MAP2K5: variants seen among roughly 807,000 people sequenced by gnomAD.
MAP2K5 encodes the protein dual specificity mitogen-activated protein kinase kinase 5.
In MAP2K5, 49 loss-of-function variants were observed where a neutral mutation model predicts 83.1. That is an observed-to-expected ratio of 0.59 (90% CI 0.47 to 0.75). The LOEUF is 0.75. Among genes scored for constraint, MAP2K5 ranks in the 30% least tolerant of loss-of-function variants. The probability of loss-of-function intolerance (pLI) is 0.00; values close to 1 mark genes in which losing one functional copy is unlikely to be tolerated. For missense variants in MAP2K5, 457 were observed against 557.5 expected (o/e 0.82, Z 1.82); for synonymous variants, 202 against 191.8 (o/e 1.05, Z -0.44).
chr15:67,622,478 A>T (rs2086209572), intron 8 of MAP2K5, among the ~76,000 whole-genome samples: 1 of 152,196 alleles, frequency 6.6e-6, no homozygotes, highest in Admixed American at 6.5e-5. Context: ...GGAGATGAGT[A>T]TAATAACTTC....
chr15:67,731,859 C>T (rs1030784165), intron 17 of MAP2K5, among the ~76,000 whole-genome samples: 7 of 152,164 alleles, frequency 4.6e-5, no homozygotes, highest in Non-Finnish European at 8.8e-5. Flanking sequence ...TCTAGTTTGC[C>T]CTCTCTGCCC....
intron 4 of MAP2K5, among the ~76,000 whole-genome samples, chr15:67,581,253 G>A (rs1332125796): frequency 6.6e-6 from 1 of 152,202 alleles, no homozygotes; most frequent in Non-Finnish European, 1.5e-5. Context: ...TTGGTGGAAT[G>A]TTTGGTATCT....
rs1286201965 is a variant in MAP2K5, at chr15:67,786,789, T to C, written c.1242+14037T>C. Among the ~76,000 whole-genome samples the C allele has an allele frequency of 3.9e-5, 6 of 152,230 alleles. No homozygotes were observed. Among genetic ancestry groups the C allele is most frequent in the Non-Finnish European group, 7.3e-5 (5 of 68,040 alleles). On this transcript the variant is annotated intron_variant, in intron 21 of 21. Transcript: ENST00000178640. The surrounding 1 kb of genome is among the most constrained non-coding windows in gnomAD (Gnocchi z 4.7). ...ATAGAGTATCGCAAAGCATGAAATTTAAGTGAGATAAAAATGTTAGACACT... is the reference window on the plus strand; with the variant it reads ...ATAGAGTATCGCAAAGCATGAAATTCAAGTGAGATAAAAATGTTAGACACT...
At chr15:67,569,026 A>C (rs922486509) in intron 3 of MAP2K5, among the ~76,000 whole-genome samples, 6 of 151,658 alleles carry the variant, frequency 4.0e-5, no homozygotes, top group East Asian at 1.9e-4. Context: ...AAAACAAAAA[A>C]AAAAAACAAA....
chr15:67,726,617 A>G (rs557787088), intron 16 of MAP2K5, among the ~76,000 whole-genome samples: 1 of 152,360 alleles, frequency 6.6e-6, no homozygotes, highest in Admixed American at 6.5e-5. Flanking sequence ...AGGCAGTTTC[A>G]TATGCAGGAA....
chr15:67,630,815 A>G, intron 8 of MAP2K5, 73 bp from the exon 9 acceptor site: 1 of 1,064,936 alleles, frequency 9.4e-7, no homozygotes, highest in Non-Finnish European at 1.4e-6. Flanking sequence ...GTTTGGATTT[A>G]CATTTATGTC....
intron 3 of MAP2K5, among the ~76,000 whole-genome samples, chr15:67,569,006 AAAAAAAAAAAAAAC>A (rs1310440650): frequency 1.7e-3 from 10 of 6,032 alleles, no homozygotes; most frequent in Non-Finnish European, 3.4e-3. Flanking sequence ...ACTCCATCTC[AAAAAAAAAAAAAAC>A]AAAAAAAAAA....
In MAP2K5 at chr15:67,801,206, G is replaced by A. The variant is rs2090700728; in HGVS notation, c.1243-5440G>A. On this transcript the variant is annotated intron_variant, in intron 21 of 21. Coordinates refer to ENST00000178640, the MANE Select transcript of MAP2K5 (RefSeq NM_145160.3). This position sits in a 1 kb window ranked among gnomAD's most constrained non-coding sequence, Gnocchi z 4.8. Reference sequence around the variant, plus strand: ...GAGATGCATAGAGCCTTCAAGCAAGGCTCACAGGTCCAGCAATGAAAGGCA... The same window carrying A: ...GAGATGCATAGAGCCTTCAAGCAAGACTCACAGGTCCAGCAATGAAAGGCA... Among the ~76,000 whole-genome samples, 1 of 152,116 alleles carries A rather than the reference G, an allele frequency of 6.6e-6. No homozygotes were observed. Among genetic ancestry groups the A allele is most frequent in the Non-Finnish European group, 1.5e-5 (1 of 68,014 alleles).
chr15:67,624,604 T>TGC (rs1287131954), intron 8 of MAP2K5, among the ~76,000 whole-genome samples: 86 of 81,474 alleles, frequency 1.1e-3, no homozygotes, highest in African/African-American at 3.3e-3. Flanking sequence ...TGTGTGTGTG[T>TGC]GTGTGTGTGT....
Position 67,572,233 on chromosome 15 carries a change from G to T in MAP2K5, c.253-8521G>T, listed in dbSNP as rs138812056. On this transcript the variant is annotated intron_variant, in intron 3 of 21. Transcript: ENST00000178640. This position sits in a 1 kb window ranked among gnomAD's most constrained non-coding sequence, Gnocchi z 4.2. ...GTAGGAGCTGCCTGTGATTCAGTCT[G>T]TATGGACAGTGACGGGGGAGAGGGT... Among the ~76,000 whole-genome samples the T allele has an allele frequency of 2.1e-4, 32 of 152,290 alleles. No individual in the cohort carries two copies. The highest frequency in any genetic ancestry group is 7.2e-4 in the African/African-American group (30 of 41,554).
chr15:67,624,630 TGTGTGTGTGA>T (rs1189288839), intron 8 of MAP2K5, among the ~76,000 whole-genome samples: 33 of 136,524 alleles, frequency 2.4e-4, no homozygotes, highest in Admixed American at 1.6e-3. Flanking sequence ...TGTGTGTGTG[TGTGTGTGTGA>T]GTGTGTTTGA....
intron 17 of MAP2K5, among the ~76,000 whole-genome samples, chr15:67,728,365 T>C (rs530457590): frequency 6.6e-6 from 1 of 152,290 alleles, no homozygotes; most frequent in African/African-American, 2.4e-5. Flanking sequence ...TAGGCAAATA[T>C]ATAGGCCCCC....
chr15:67,610,145 A>G (rs771708746), intron 8 of MAP2K5, among the ~76,000 whole-genome samples: 11 of 152,182 alleles, frequency 7.2e-5, no homozygotes, highest in Non-Finnish European at 1.3e-4. Context: ...TGAATTTCCT[A>G]ACTATTAACC....
chr15:67,579,983 C>T (rs1010762763), intron 3 of MAP2K5, among the ~76,000 whole-genome samples: 5 of 152,100 alleles, frequency 3.3e-5, no homozygotes, highest in Non-Finnish European at 7.4e-5. Context: ...TGTTATTTGT[C>T]GAGCATTATA....
In MAP2K5 at chr15:67,764,981, G is replaced by C. The variant is rs1190792623; in HGVS notation, c.1135-4621G>C. Reference sequence around the variant, plus strand: ...ACTTTCTATTTTGACGTAATTTTTAGATTTACATACAGTTGTAAGAAATAA... The same window carrying C: ...ACTTTCTATTTTGACGTAATTTTTACATTTACATACAGTTGTAAGAAATAA... On this transcript the variant is annotated intron_variant, in intron 19 of 21. Transcript: ENST00000178640. The surrounding 1 kb of genome is among the most constrained non-coding windows in gnomAD (Gnocchi z 4.9). 6.6e-6 allele frequency among the ~76,000 whole-genome samples: 1 copy of C among 152,124 alleles called. No homozygotes were observed. Among genetic ancestry groups the C allele is most frequent in the Non-Finnish European group, 1.5e-5 (1 of 68,018 alleles).
rs2087351573 is a variant in MAP2K5, at chr15:67,665,439, G to A, written c.847+794G>A. Among the ~76,000 whole-genome samples, 1 of 152,180 alleles carries A rather than the reference G, an allele frequency of 6.6e-6. No homozygotes were observed. The highest frequency in any genetic ancestry group is 6.6e-5 in the Admixed American group (1 of 15,262). On this transcript the variant is annotated intron_variant, in intron 13 of 21. Transcript: ENST00000178640. The surrounding 1 kb of genome is among the most constrained non-coding windows in gnomAD (Gnocchi z 4.2). Reference sequence around the variant, plus strand: ...TTTTACACATCTGCTCATCTTAGCTGTATGTACATTTGGGGAATGGAACAG... The same window carrying A: ...TTTTACACATCTGCTCATCTTAGCTATATGTACATTTGGGGAATGGAACAG...
chr15:67,782,545 C>G lies in MAP2K5; in HGVS notation c.1242+9793C>G, dbSNP rs2090345260. Among the ~76,000 whole-genome samples, 1 of 152,092 alleles carries G rather than the reference C, an allele frequency of 6.6e-6. No individual in the cohort carries two copies. Among genetic ancestry groups the G allele is most frequent in the African/African-American group, 2.4e-5 (1 of 41,394 alleles). On this transcript the variant is annotated intron_variant, in intron 21 of 21. Coordinates refer to ENST00000178640, the MANE Select transcript of MAP2K5 (RefSeq NM_145160.3). This position sits in a 1 kb window ranked among gnomAD's most constrained non-coding sequence, Gnocchi z 4.9. ...GTAGGCGCCTCTCTTCTCACAGTGA[C>G]CAGGCCTGAGTTTATTCAGCATTCA...
intron 3 of MAP2K5, among the ~76,000 whole-genome samples, chr15:67,579,135 G>A (rs1817883614): frequency 6.6e-6 from 1 of 152,188 alleles, no homozygotes; most frequent in South Asian, 2.1e-4. Context: ...GTTGCTTGCA[G>A]CCTTCCAGAA....
chr15:67,620,319 C>T (rs142447687), intron 8 of MAP2K5, among the ~76,000 whole-genome samples: 3,711 of 152,168 alleles, frequency 0.024, 56 homozygotes, highest in Middle Eastern at 0.041. Context: ...TTCATTGAGC[C>T]GAGACTGCAC....
Sources: gnomAD v4.1 joint callset for allele counts (sites outside exome capture counted in the v4.1 genomes callset) on GRCh38, gnomAD v4.1.1 for gene constraint, Gnocchi (gnomAD v3.1) non-coding constraint, MANE v1.5 for transcripts, NCBI Gene and HGNC (gene_info 2026-07-23, HGNC 2026-07-21) for gene names.